Variants in NT5DC1 observed in about 807,000 individuals in gnomAD.
NT5DC1 encodes 5'-nucleotidase domain containing 1.
In NT5DC1, 42 loss-of-function variants were observed where a neutral mutation model predicts 59.4. The ratio of observed to expected loss-of-function variants is 0.71; its 90% CI spans 0.55 to 0.92. The LOEUF (loss-of-function observed/expected upper bound fraction) is 0.92, where lower values mean the gene tolerates loss of function less well. NT5DC1 is among the 40% of genes least tolerant of loss of function. The pLI is 0.00. For synonymous variants in NT5DC1, 172 were observed against 188.1 expected (o/e 0.91, Z 0.70); for missense variants, 501 against 537.1 (o/e 0.93, Z 0.66).
rs555075676 is a variant in NT5DC1, at chr6:116,207,899, A to G, written c.530-13155A>G. On this transcript the variant is annotated intron_variant, in intron 6 of 11. Coordinates refer to ENST00000319550, the MANE Select transcript of NT5DC1 (RefSeq NM_152729.3). ...GTTCCCATCACAGATTATTTTTGTT[A>G]TTTATATTGATTTGGGAGCTGAGTT... Among the ~76,000 whole-genome samples the G allele has an allele frequency of 1.1e-4, 17 of 151,928 alleles. No individual in the cohort carries two copies. The South Asian group carries it at 3.3e-3, about 30-fold the overall frequency.
At chr6:116,123,307 A>G (rs1325227798) in intron 6 of NT5DC1, among the ~76,000 whole-genome samples, 5 of 152,208 alleles carry the variant, frequency 3.3e-5, no homozygotes, top group Non-Finnish European at 7.3e-5. Context: ...ATGGGTCTCA[A>G]CTTCTCAGTG....
At chr6:116,224,845 G>A (rs1203679807) in intron 8 of NT5DC1, among the ~76,000 whole-genome samples, 2 of 152,194 alleles carry the variant, frequency 1.3e-5, no homozygotes, top group Non-Finnish European at 2.9e-5. Context: ...TGGCTGCTGG[G>A]TGGGGAATGG....
At chr6:116,166,843 C>T (rs1197411716) in intron 6 of NT5DC1, among the ~76,000 whole-genome samples, 1 of 152,062 alleles carries the variant, frequency 6.6e-6, no homozygotes, top group Non-Finnish European at 1.5e-5. Flanking sequence ...GACGAAAGGA[C>T]TGAAATTCTG....
At chr6:116,229,794 T>C (rs1381785831) in intron 8 of NT5DC1, among the ~76,000 whole-genome samples, 1 of 150,966 alleles carries the variant, frequency 6.6e-6, no homozygotes, top group African/African-American at 2.4e-5. Context: ...CTGTCTCTCC[T>C]CTCTCTCTCT....
intron 6 of NT5DC1, chr6:116,145,351 T>TA (rs574021792): frequency 1.2e-3 from 323 of 267,788 alleles, no homozygotes; most frequent in Non-Finnish European, 1.5e-3. Context: ...TATGAAATGC[T>TA]AAAAAAAAAT....
At chr6:116,170,798 G>A (rs146971713) in intron 6 of NT5DC1, among the ~76,000 whole-genome samples, 1 of 152,208 alleles carries the variant, frequency 6.6e-6, no homozygotes, top group Non-Finnish European at 1.5e-5. Context: ...ACCTTCAGTT[G>A]ATCACCTTAG....
In NT5DC1 at chr6:116,121,360, T is replaced by G. The variant is rs374691562; in HGVS notation, c.529+3415T>G. On this transcript the variant is annotated intron_variant, in intron 6 of 11. Coordinates refer to ENST00000319550, the MANE Select transcript of NT5DC1 (RefSeq NM_152729.3). ...CTGGCCCTCGTTCCCCAGGAGGGCC[T>G]TGGGGACCTGGTGGGCCAATTGGTC... 6.2e-6 allele frequency: 10 copies of G among 1,614,062 alleles called. No individual in the cohort carries two copies. In the East Asian group the frequency reaches 2.2e-4, roughly 36 times the overall value.
At chr6:116,219,165 G>A (rs954035431) in intron 6 of NT5DC1, among the ~76,000 whole-genome samples, 1 of 152,116 alleles carries the variant, frequency 6.6e-6, no homozygotes, top group Non-Finnish European at 1.5e-5. Context: ...CTCAAAAACA[G>A]AAACAAAAGC....
chr6:116,108,208 A>G (rs1778803707), intron 2 of NT5DC1, among the ~76,000 whole-genome samples, 156 bp from the exon 3 acceptor site: 1 of 152,212 alleles, frequency 6.6e-6, no homozygotes, highest in Admixed American at 6.5e-5. Flanking sequence ...ATTTAATTTT[A>G]CAGTTCTTAG....
intron 6 of NT5DC1, among the ~76,000 whole-genome samples, chr6:116,148,310 T>C (rs1779948973): frequency 6.6e-6 from 1 of 152,172 alleles, no homozygotes; most frequent in Non-Finnish European, 1.5e-5. Flanking sequence ...AAACACATCA[T>C]ATTTTTAAAA....
chr6:116,180,450 G>C (rs1334046779), intron 6 of NT5DC1, among the ~76,000 whole-genome samples: 4 of 152,068 alleles, frequency 2.6e-5, no homozygotes, highest in Non-Finnish European at 4.4e-5. Context: ...AATGGACCTA[G>C]GTAGTGATCA....
chr6:116,153,874 G>A (rs569808094), intron 6 of NT5DC1, among the ~76,000 whole-genome samples: 2 of 152,048 alleles, frequency 1.3e-5, no homozygotes, highest in African/African-American at 4.8e-5. Flanking sequence ...AATGCAATTT[G>A]GCAAAATAAG....
In NT5DC1 at chr6:116,227,065, T is replaced by G. The variant is rs147130928; in HGVS notation, c.802+3934T>G. Among the ~76,000 whole-genome samples the G allele has an allele frequency of 6.5e-3, 992 of 152,284 alleles. 5 individuals carry two copies. Among genetic ancestry groups the G allele is most frequent in the South Asian group, 0.013 (62 of 4,826 alleles). On this transcript the variant is annotated intron_variant, in intron 8 of 11. Transcript: ENST00000319550. ...AACTCTGCATTTTGTACAATATATT[T>G]CTTGGATTTATGGATTTATTCCTCC...
chr6:116,238,440 T>C (rs1001677936), intron 10 of NT5DC1, 92 bp downstream of exon 10: 33 of 663,264 alleles, frequency 5.0e-5, no homozygotes, highest in African/African-American at 7.6e-5. Flanking sequence ...AAAATTGTCC[T>C]GGTCAGGCTG....
chr6:116,164,413 C>T (rs914729879), intron 6 of NT5DC1, among the ~76,000 whole-genome samples: 1 of 152,150 alleles, frequency 6.6e-6, no homozygotes, highest in Middle Eastern at 3.4e-3. Context: ...AACCCCTGGT[C>T]TTTTTTGTTC....
intron 6 of NT5DC1, among the ~76,000 whole-genome samples, chr6:116,196,039 T>G (rs1196971849): frequency 6.6e-6 from 1 of 152,062 alleles, no homozygotes; most frequent in Non-Finnish European, 1.5e-5. Flanking sequence ...TTGGTTGGTG[T>G]TGTCGGGTTG....
At position 116,238,943 on chromosome 6, in the gene NT5DC1, C is replaced by T; in HGVS notation, c.1084-12C>T. The T allele has an allele frequency of 6.6e-7, 1 of 1,525,730 alleles. No individual in the cohort carries two copies. The highest frequency in any genetic ancestry group is 9.1e-7 in the Non-Finnish European group (1 of 1,103,630). The allele number at this position is 1,525,730 out of a possible 1,614,324, so 94.5% of individuals were successfully genotyped here. A position where few individuals can be genotyped will look rare whatever the true frequency, so the allele number is the denominator to read the frequency against. The stretch of plus-strand genomic sequence containing the variant: ...TAATCACCATTTTAATTATTCTGTT[C>T]TCTTGTTTCAGGGACCAAAAGCAAA... On this transcript the variant is annotated splice_polypyrimidine_tract_variant and intron_variant, in intron 10 of 11. Transcript: ENST00000319550.
intron 6 of NT5DC1, among the ~76,000 whole-genome samples, chr6:116,157,669 G>C (rs1780230126): frequency 1.3e-5 from 2 of 152,054 alleles, no homozygotes; most frequent in South Asian, 4.2e-4. Flanking sequence ...CCCCAAATTT[G>C]GGCTCATTTT....
At chr6:116,170,242 G>T (rs555574382) in intron 6 of NT5DC1, among the ~76,000 whole-genome samples, 13 of 142,592 alleles carry the variant, frequency 9.1e-5, no homozygotes, top group African/African-American at 2.8e-4. Context: ...AGATTATCTT[G>T]TGTCCCCACC....
Sources: allele counts gnomAD v4.1 joint callset (sites outside exome capture counted in the v4.1 genomes callset), GRCh38; gene constraint gnomAD v4.1.1; transcripts MANE v1.5; gene names NCBI Gene and HGNC (gene_info 2026-07-23, HGNC 2026-07-21).